VPS53: variants seen among roughly 807,000 people sequenced by gnomAD.
VPS53 encodes the protein vacuolar protein sorting-associated protein 53 homolog.
VPS53 carries 70 observed loss-of-function variants against 107.0 expected under a neutral mutation model. That is an observed-to-expected ratio of 0.65 (90% CI 0.54 to 0.80). The LOEUF (loss-of-function observed/expected upper bound fraction) is 0.80. Among genes scored for constraint, VPS53 ranks in the 30% least tolerant of loss-of-function variants. The pLI, the probability that VPS53 is intolerant of heterozygous loss-of-function variation, is 0.00. For synonymous variants in VPS53, 409 were observed against 393.3 expected (o/e 1.04, Z -0.47); for missense variants, 917 against 1,049.4 (o/e 0.87, Z 1.74).
intron 10 of VPS53, among the ~76,000 whole-genome samples, chr17:624,378 C>T (rs972844616): frequency 3.9e-4 from 60 of 152,216 alleles, no homozygotes; most frequent in African/African-American, 1.1e-3. Context: ...AGGATCCCTG[C>T]GGGAAAAGTG....
intron 7 of VPS53, among the ~76,000 whole-genome samples, chr17:634,160 C>T (rs1970087468): frequency 6.6e-6 from 1 of 151,180 alleles, no homozygotes; most frequent in Admixed American, 6.6e-5. Context: ...ACTCCATATT[C>T]TTGGTGACTC....
At chr17:593,663 G>A (rs1348616762) in intron 12 of VPS53, among the ~76,000 whole-genome samples, 1 of 152,184 alleles carries the variant, frequency 6.6e-6, no homozygotes, top group East Asian at 1.9e-4. Flanking sequence ...GAAACAACCG[G>A]TGCTGGAGAG....
chr17:634,730 CT>C (rs1254372856), intron 7 of VPS53, among the ~76,000 whole-genome samples: 2 of 151,906 alleles, frequency 1.3e-5, no homozygotes, highest in Non-Finnish European at 2.9e-5. Flanking sequence ...TGAACTCATC[CT>C]TTTTTATGGC....
intron 12 of VPS53, among the ~76,000 whole-genome samples, chr17:588,408 A>G (rs1448855533): frequency 6.6e-6 from 1 of 152,208 alleles, no homozygotes; most frequent in Non-Finnish European, 1.5e-5. Context: ...ACTGGAAGAG[A>G]TAAGCCCTAA....
chr17:714,393 C>T (rs956816544), intron 1 of VPS53: 2 of 561,612 alleles, frequency 3.6e-6, no homozygotes, highest in South Asian at 4.3e-5. Context: ...TCCCCAAAAC[C>T]ACCAGAACCC....
intron 12 of VPS53, among the ~76,000 whole-genome samples, chr17:596,416 AG>A (rs1221940210): frequency 1.3e-5 from 2 of 152,084 alleles, no homozygotes; most frequent in Non-Finnish European, 2.9e-5. Flanking sequence ...GCCCTTGATG[AG>A]GCCCCACAGG....
rs1310781609 is a variant in VPS53 at position 537,185 on chromosome 17, G to A, written c.1867-9C>T. ...ACGTTCTGCCACTGCATCTGAAAGG[G>A]AGAAAGGATGAGGCGTTGAATCCCT... is the stretch of plus-strand genomic sequence containing the variant. On this transcript the variant is annotated splice_polypyrimidine_tract_variant and intron_variant, in intron 17 of 21. Coordinates refer to ENST00000437048, the MANE Select transcript of VPS53 (RefSeq NM_001128159.3). 4.3e-6 allele frequency: 7 copies of A among 1,613,970 alleles called. No homozygotes were observed. Among genetic ancestry groups the A allele is most frequent in the Non-Finnish European group, 5.9e-6 (7 of 1,179,930 alleles).
chr17:614,427 T>C (rs1424889119), intron 11 of VPS53, among the ~76,000 whole-genome samples: 1 of 152,196 alleles, frequency 6.6e-6, no homozygotes, highest in Non-Finnish European at 1.5e-5. Flanking sequence ...TCGCCATAAT[T>C]TCCAAATTTT....
In VPS53 at chr17:553,365, G is replaced by C; in HGVS notation, c.1787+15C>G. ...GAAAGGGCAGGCAGCCAGTAAGTGT[G>C]TGCAGGGTACATACGTGCTGAACGT... On this transcript the variant is annotated intron_variant, in intron 16 of 21. Transcript: ENST00000437048. 1 of 1,613,360 alleles carries C rather than the reference G, an allele frequency of 6.2e-7. No homozygotes were observed. The highest frequency in any genetic ancestry group is 8.5e-7 in the Non-Finnish European group (1 of 1,179,406).
At chr17:638,776 G>A (rs978506682) in intron 7 of VPS53, among the ~76,000 whole-genome samples, 27 of 152,332 alleles carry the variant, frequency 1.8e-4, no homozygotes, top group Non-Finnish European at 3.4e-4. Flanking sequence ...AGTTTCTGCC[G>A]AAAGATCCGC....
intron 10 of VPS53, among the ~76,000 whole-genome samples, chr17:626,419 C>T (rs896272088): frequency 4.6e-5 from 7 of 152,126 alleles, no homozygotes; most frequent in African/African-American, 7.2e-5. Flanking sequence ...CCTGTAATCC[C>T]GGCACTTCGG....
chr17:647,064 G>A (rs1321522948), intron 7 of VPS53, among the ~76,000 whole-genome samples: 12 of 152,306 alleles, frequency 7.9e-5, no homozygotes, highest in South Asian at 2.1e-4. Flanking sequence ...AACCTGACCC[G>A]ATCTACCTAT....
chr17:669,437 A>T (rs2143682971), intron 4 of VPS53, among the ~76,000 whole-genome samples: 1 of 151,940 alleles, frequency 6.6e-6, no homozygotes, highest in Non-Finnish European at 1.5e-5. Context: ...TAAAAATACT[A>T]AAAAAATTAG....
chr17:571,687 C>T (rs889634861), intron 13 of VPS53, among the ~76,000 whole-genome samples: 48 of 152,362 alleles, frequency 3.2e-4, no homozygotes, highest in African/African-American at 5.3e-4. Context: ...CGATTGCAGG[C>T]GCGCGCTGCC....
intron 7 of VPS53, among the ~76,000 whole-genome samples, chr17:633,654 G>C (rs747924015): frequency 6.6e-5 from 10 of 152,132 alleles, no homozygotes; most frequent in Non-Finnish European, 1.5e-4. Flanking sequence ...TCTTAGAGGT[G>C]GGTTTGTAGC....
At chr17:582,302 A>C (rs1284666163) in intron 13 of VPS53, among the ~76,000 whole-genome samples, 1 of 145,766 alleles carries the variant, frequency 6.9e-6, no homozygotes, top group East Asian at 2.5e-4. Flanking sequence ...TTCCCAGAGA[A>C]CCTCCCTGAG....
chr17:555,482 C>A (rs558540219), intron 15 of VPS53, among the ~76,000 whole-genome samples: 11 of 152,256 alleles, frequency 7.2e-5, no homozygotes, highest in Middle Eastern at 3.4e-3. Context: ...CAGACGTGAG[C>A]CACCACGCCC....
chr17:537,498 C>G (rs1910188643), intron 17 of VPS53: 1 of 224,934 alleles, frequency 4.4e-6, no homozygotes, highest in African/African-American at 2.3e-5. Context: ...GCCGAGTGCC[C>G]CACAGCAGGG....
chr17:574,804 T>C (rs1464125552), intron 13 of VPS53, among the ~76,000 whole-genome samples: 1 of 152,154 alleles, frequency 6.6e-6, no homozygotes. Flanking sequence ...CCAGTAACTT[T>C]TAAGCCTTTT....
Sources: allele counts gnomAD v4.1 joint callset (sites outside exome capture counted in the v4.1 genomes callset), GRCh38; gene constraint gnomAD v4.1.1; transcripts MANE v1.5; gene names NCBI Gene and HGNC (gene_info 2026-07-23, HGNC 2026-07-21).